SRD5A2: variants seen among roughly 807,000 people sequenced by gnomAD.
SRD5A2 encodes steroid 5 alpha-reductase 2.
Under a neutral mutation model 27.4 loss-of-function variants are expected in SRD5A2, and 30 were observed. The observed-to-expected ratio is 1.10, with a 90% CI of 0.82 to 1.49. The LOEUF is 1.49. SRD5A2 is among the 40% of genes most tolerant of loss of function. The pLI, the probability that SRD5A2 is intolerant of heterozygous loss-of-function variation, is 0.00. For synonymous variants in SRD5A2, 141 were observed against 133.6 expected (o/e 1.06, Z -0.38); for missense variants, 348 against 323.4 (o/e 1.08, Z -0.58).
chr2:31,654,083 TAAAAAA>T, the SRD5A2 span, among the ~76,000 whole-genome samples: 2 of 135,080 alleles, frequency 1.5e-5, no homozygotes, highest in African/African-American at 5.4e-5. Flanking sequence ...TAAAGAAAGT[TAAAAAA>T]AAAAAAAGCC....
chr2:31,595,482 C>A, the SRD5A2 span, among the ~76,000 whole-genome samples: 3 of 152,046 alleles, frequency 2.0e-5, no homozygotes, highest in African/African-American at 7.2e-5. Context: ...TGGCAATATA[C>A]AACCCTCCCA....
the SRD5A2 span, among the ~76,000 whole-genome samples, chr2:31,588,318 TA>T: frequency 1 from 152,273 of 152,274 alleles, 76,136 homozygotes; most frequent in Non-Finnish European, 1. Flanking sequence ...TCAAGGCATT[TA>T]AATAATTAAA....
chr2:31,560,267 T>C (rs764951887), intron 1 of SRD5A2, among the ~76,000 whole-genome samples: 2 of 152,134 alleles, frequency 1.3e-5, no homozygotes, highest in Non-Finnish European at 2.9e-5. Context: ...CAAGCAAGCA[T>C]TGCCTTTGAT....
chr2:31,554,560 A>G (rs1666453831), intron 1 of SRD5A2, among the ~76,000 whole-genome samples: 3 of 152,194 alleles, frequency 2.0e-5, no homozygotes, highest in African/African-American at 7.2e-5. Context: ...AAATGTGGAA[A>G]AACAGAAAGA....
chr2:31,526,594 G>A (rs968514093), intron 4 of SRD5A2, among the ~76,000 whole-genome samples: 1 of 152,106 alleles, frequency 6.6e-6, no homozygotes, highest in Non-Finnish European at 1.5e-5. Flanking sequence ...AAAAAAAAAT[G>A]TAGTATCTAG....
chr2:31,593,119 G>A, the SRD5A2 span, among the ~76,000 whole-genome samples: 4 of 152,260 alleles, frequency 2.6e-5, no homozygotes, highest in East Asian at 7.7e-4. Context: ...GTGGGGTCGG[G>A]GGAGAGGGGA....
At chr2:31,547,656 A>G (rs1328640577) in intron 1 of SRD5A2, among the ~76,000 whole-genome samples, 1 of 152,226 alleles carries the variant, frequency 6.6e-6, no homozygotes, top group Non-Finnish European at 1.5e-5. Flanking sequence ...GCAATTCTCC[A>G]GGCTCTCGGG....
At chr2:31,652,162 T>C in the SRD5A2 span, among the ~76,000 whole-genome samples, 3 of 152,040 alleles carry the variant, frequency 2.0e-5, no homozygotes, top group Non-Finnish European at 4.4e-5. Context: ...TGCCATGTTG[T>C]TCAGGCTGGT....
At chr2:31,560,823 G>C (rs969089320) in intron 1 of SRD5A2, among the ~76,000 whole-genome samples, 1 of 151,990 alleles carries the variant, frequency 6.6e-6, no homozygotes, top group Admixed American at 6.6e-5. Context: ...TTGTTACTCG[G>C]TGTCTCCACA....
intron 1 of SRD5A2, among the ~76,000 whole-genome samples, chr2:31,555,473 T>C (rs1666476553): frequency 6.6e-6 from 1 of 152,324 alleles, no homozygotes; most frequent in South Asian, 2.1e-4. Flanking sequence ...CTTACATTTT[T>C]TTCTAGGACT....
the SRD5A2 span, among the ~76,000 whole-genome samples, chr2:31,653,927 G>A: frequency 3.5e-4 from 54 of 152,274 alleles, no homozygotes; most frequent in African/African-American, 1.3e-3. Flanking sequence ...CCAGAGTGCT[G>A]GGATTACAGG....
At chr2:31,587,674 A>C in the SRD5A2 span, among the ~76,000 whole-genome samples, 1 of 152,144 alleles carries the variant, frequency 6.6e-6, no homozygotes. Context: ...CCATGTTCTC[A>C]CTCATAAGTG....
chr2:31,568,932 T>C (rs1415971815), intron 1 of SRD5A2, among the ~76,000 whole-genome samples: 1 of 152,234 alleles, frequency 6.6e-6, no homozygotes, highest in Non-Finnish European at 1.5e-5. Context: ...CACAACTTTG[T>C]TCCACCCCAG....
At chr2:31,550,480 A>T (rs914652651) in intron 1 of SRD5A2, among the ~76,000 whole-genome samples, 5 of 151,926 alleles carry the variant, frequency 3.3e-5, no homozygotes, top group Non-Finnish European at 5.9e-5. Context: ...TAGTCCCCAT[A>T]AAAATTGATG....
intron 4 of SRD5A2, among the ~76,000 whole-genome samples, chr2:31,528,700 A>G (rs1232893099): frequency 6.6e-6 from 1 of 152,150 alleles, no homozygotes; most frequent in South Asian, 2.1e-4. Flanking sequence ...TGGGAGGTGA[A>G]GGCTGCAGTG....
At chr2:31,545,262 A>G (rs1282719300) in intron 1 of SRD5A2, among the ~76,000 whole-genome samples, 3 of 152,068 alleles carry the variant, frequency 2.0e-5, no homozygotes, top group Non-Finnish European at 1.5e-5. Context: ...AAATTTAGAC[A>G]CAGACACTAT....
chr2:31,573,297 C>T (rs186789876), intron 1 of SRD5A2, among the ~76,000 whole-genome samples: 56 of 152,320 alleles, frequency 3.7e-4, no homozygotes, highest in Non-Finnish European at 6.6e-4. Context: ...ATTGGTTTCC[C>T]TTCTCTCCCT....
At chr2:31,575,849 T>C (rs1185088749) in intron 1 of SRD5A2, among the ~76,000 whole-genome samples, 1 of 152,204 alleles carries the variant, frequency 6.6e-6, no homozygotes, top group Non-Finnish European at 1.5e-5. Flanking sequence ...CATCAAAGTC[T>C]TGAAAAAGAC....
At chr2:31,605,553 G>C in the SRD5A2 span, among the ~76,000 whole-genome samples, 1 of 151,642 alleles carries the variant, frequency 6.6e-6, no homozygotes, top group African/African-American at 2.4e-5. Flanking sequence ...GGTGCTCAAC[G>C]TCATTAATCA....
Sources: allele counts gnomAD v4.1 joint callset (sites outside exome capture counted in the v4.1 genomes callset), GRCh38; gene constraint gnomAD v4.1.1; transcripts MANE v1.5; gene names NCBI Gene and HGNC (gene_info 2026-07-23, HGNC 2026-07-21).